The following LIMS1 variants were observed in gnomAD, a reference collection of about 807,000 sequenced individuals.
LIMS1 encodes the protein LIM zinc finger domain containing 1.
Under a neutral mutation model 44.1 loss-of-function variants are expected in LIMS1, and 18 were observed. That is an observed-to-expected ratio of 0.41 (90% CI 0.28 to 0.61). LIMS1 has a LOEUF of 0.61. Among genes scored for constraint, LIMS1 ranks in the 20% least tolerant of loss-of-function variants. The probability of loss-of-function intolerance (pLI) is 0.32; values close to 1 mark genes in which losing one functional copy is unlikely to be tolerated. For synonymous variants in LIMS1, 93 were observed against 149.1 expected, an observed-to-expected ratio of 0.62 and a Z score of 2.74; for missense variants, 201 against 422.0, an observed-to-expected ratio of 0.48 and a Z score of 4.59.
In LIMS1 at chr2:108,561,603, AG is replaced by A. The variant is rs1177009872; in HGVS notation, c.32+27010del. The stretch of plus-strand genomic sequence containing the variant: ...TGAAGGATTGTAAAACCCTACGTCA[AG>A]CAAGTCTGTTGGTGCCATTTTTCCA... On this transcript the variant is annotated intron_variant, in intron 1 of 9. Coordinates refer to ENST00000544547, the Ensembl canonical transcript of LIMS1. 1.4e-4 allele frequency among the ~76,000 whole-genome samples: 21 copies of A among 152,284 alleles called. No homozygotes were observed. The East Asian group carries it at 4.1e-3, about 29-fold the overall frequency.
intron 1 of LIMS1, among the ~76,000 whole-genome samples, chr2:108,656,585 G>A (rs1165935947): frequency 1.3e-5 from 2 of 151,208 alleles, no homozygotes; most frequent in Admixed American, 1.3e-4. Flanking sequence ...AAGCCTGACT[G>A]GTTCAGGGGG....
intron 1 of LIMS1, among the ~76,000 whole-genome samples, chr2:108,619,111 A>G (rs1278850673): frequency 6.6e-6 from 1 of 152,052 alleles, no homozygotes; most frequent in Non-Finnish European, 1.5e-5. Context: ...CTACACAGTT[A>G]GGTGTTTCCT....
At chr2:108,598,243 G>C (rs1686819068) in intron 1 of LIMS1, among the ~76,000 whole-genome samples, 1 of 151,966 alleles carries the variant, frequency 6.6e-6, no homozygotes. Flanking sequence ...AAGTTTGCCA[G>C]TATATCATCA....
At chr2:108,617,764 A>C (rs1454000563) in intron 1 of LIMS1, among the ~76,000 whole-genome samples, 3 of 152,194 alleles carry the variant, frequency 2.0e-5, no homozygotes, top group Non-Finnish European at 4.4e-5. Context: ...CAGTCTTACC[A>C]AGCCATATGT....
intron 5 of LIMS1, among the ~76,000 whole-genome samples, chr2:108,675,395 C>G (rs1191532274): frequency 6.6e-6 from 1 of 152,134 alleles, no homozygotes; most frequent in South Asian, 2.1e-4. Flanking sequence ...CCCTCAGTAA[C>G]AGCGTTAATC....
chr2:108,540,066 G>T (rs1684266188), intron 1 of LIMS1, among the ~76,000 whole-genome samples: 1 of 151,452 alleles, frequency 6.6e-6, no homozygotes, highest in African/African-American at 2.4e-5. Context: ...GTGTCCTGTG[G>T]ACTGTAAACT....
intron 1 of LIMS1, among the ~76,000 whole-genome samples, chr2:108,557,112 G>T (rs1684949398): frequency 6.6e-6 from 1 of 151,982 alleles, no homozygotes; most frequent in African/African-American, 2.4e-5. Flanking sequence ...GGGTCTCACT[G>T]TGTCTCCCAG....
chr2:108,663,005 G>T (rs1691482264), intron 2 of LIMS1, among the ~76,000 whole-genome samples: 2 of 152,254 alleles, frequency 1.3e-5, no homozygotes, highest in South Asian at 4.1e-4. Flanking sequence ...CTTCCCTTTG[G>T]CCACAGAGGC....
At chr2:108,641,098 A>C (rs896227972) in intron 1 of LIMS1, among the ~76,000 whole-genome samples, 1 of 152,182 alleles carries the variant, frequency 6.6e-6, no homozygotes, top group Non-Finnish European at 1.5e-5. Flanking sequence ...TCATGATGCC[A>C]CCACTGACAG....
At chr2:108,600,021 G>T (rs1390476039) in intron 1 of LIMS1, among the ~76,000 whole-genome samples, 3 of 151,220 alleles carry the variant, frequency 2.0e-5, no homozygotes, top group African/African-American at 7.3e-5. Flanking sequence ...TTGCTGTACA[G>T]AAGCTGTATT....
chr2:108,620,723 T>C (rs1465929062), intron 1 of LIMS1, among the ~76,000 whole-genome samples: 1 of 152,168 alleles, frequency 6.6e-6, no homozygotes, highest in Admixed American at 6.5e-5. Context: ...CTTTCAGTTA[T>C]GAATTCTTCA....
At chr2:108,582,748 T>C (rs541030759) in intron 1 of LIMS1, among the ~76,000 whole-genome samples, 2 of 152,286 alleles carry the variant, frequency 1.3e-5, no homozygotes, top group South Asian at 4.1e-4. Context: ...CACTCAAGCC[T>C]GGGCAACAGA....
At chr2:108,678,093 A>G in intron 8 of LIMS1, 66 bp downstream of exon 8, 2 of 1,606,902 alleles carry the variant, frequency 1.2e-6, no homozygotes, top group South Asian at 2.2e-5. Flanking sequence ...TAATGTGGAA[A>G]TTCAGGTTGG....
At chr2:108,540,488 G>A (rs1432997741) in intron 1 of LIMS1, among the ~76,000 whole-genome samples, 3 of 152,114 alleles carry the variant, frequency 2.0e-5, no homozygotes, top group Non-Finnish European at 4.4e-5. Context: ...TTGAGCCACC[G>A]CGCCTGGCTG....
chr2:108,607,679 A>T (rs1687346982), intron 1 of LIMS1, among the ~76,000 whole-genome samples: 1 of 152,090 alleles, frequency 6.6e-6, no homozygotes, highest in South Asian at 2.1e-4. Context: ...TACTAGTCTT[A>T]TAGTTTATAT....
At chr2:108,607,227 G>A (rs1311664829) in intron 1 of LIMS1, 3 of 1,550,940 alleles carry the variant, frequency 1.9e-6, no homozygotes, top group African/African-American at 1.4e-5. Flanking sequence ...AGCTGATGAG[G>A]GACACATCGA....
rs954106751 is a variant in LIMS1 at position 108,607,931 on chromosome 2, C to T, written c.33-51674C>T. Among the ~76,000 whole-genome samples the T allele has an allele frequency of 2.6e-5, 4 of 152,300 alleles. No individual in the cohort carries two copies. The East Asian group carries it at 7.7e-4, about 29-fold the overall frequency. Reference sequence around the variant, plus strand: ...TTCAGGAGCCACATGGTGGCAGGCGCAGTGCTTTGAAACTTTGTGGACTTA... The same window carrying T: ...TTCAGGAGCCACATGGTGGCAGGCGTAGTGCTTTGAAACTTTGTGGACTTA... On this transcript the variant is annotated intron_variant, in intron 1 of 9. Transcript: ENST00000544547.
chr2:108,643,499 A>G (rs942232458), intron 1 of LIMS1, among the ~76,000 whole-genome samples: 6 of 152,208 alleles, frequency 3.9e-5, no homozygotes, highest in African/African-American at 1.2e-4. Flanking sequence ...CCCACAGACC[A>G]GGAGATTCCC....
chr2:108,601,804 A>G (rs906171978), intron 1 of LIMS1, among the ~76,000 whole-genome samples: 5 of 152,268 alleles, frequency 3.3e-5, no homozygotes, highest in Non-Finnish European at 7.3e-5. Context: ...GGTGTGAGCC[A>G]CTGCACCCAG....
Sources: gnomAD v4.1 joint callset for allele counts (sites outside exome capture counted in the v4.1 genomes callset) on GRCh38, gnomAD v4.1.1 for gene constraint, MANE v1.5 for transcripts, NCBI Gene and HGNC (gene_info 2026-07-23, HGNC 2026-07-21) for gene names.